Variants in GPR37L1 observed in about 807,000 individuals in gnomAD.
The protein encoded by GPR37L1 is G protein-coupled receptor 37-like 1.
A neutral mutation model predicts 18.0 loss-of-function variants in GPR37L1; 18 were observed. The ratio of observed to expected loss-of-function variants is 1.00; its 90% CI spans 0.69 to 1.49. GPR37L1 has a LOEUF of 1.49. Among genes scored for constraint, GPR37L1 ranks in the 40% most tolerant of loss-of-function variants. The pLI is 0.00. For missense variants in GPR37L1, 558 were observed against 615.1 expected (o/e 0.91, Z 0.98); for synonymous variants, 256 against 273.9 (o/e 0.93, Z 0.65).
At chr1:202,125,722 C>G (rs1347889156) in intron 1 of GPR37L1, among the ~76,000 whole-genome samples, 1 of 152,134 alleles carries the variant, frequency 6.6e-6, no homozygotes, top group African/African-American at 2.4e-5. Context: ...TCACCCACAA[C>G]ACCCTTCTTC....
chr1:202,128,594 AC>A lies in GPR37L1; in HGVS notation c.*43del. On this transcript the variant is annotated 3_prime_UTR_variant, in exon 2 of 2. Coordinates refer to ENST00000367282, the MANE Select transcript of GPR37L1 (RefSeq NM_004767.5). ...GGTGGGGAGGGAGGGAGAGGCCGCC[AC>A]CCCCGCCGGTGTCTGCTGTTCTTTC... The A allele has an allele frequency of 3.4e-6, 4 of 1,178,848 alleles. No homozygotes were observed. Among genetic ancestry groups the A allele is most frequent in the East Asian group, 2.5e-5 (1 of 39,416 alleles). The allele number at this position is 1,178,848 out of a possible 1,614,324, so 73.0% of individuals were successfully genotyped here. A position where few individuals can be genotyped will look rare whatever the true frequency, so the allele number is the denominator to read the frequency against.
chr1:202,123,026 G>C lies in GPR37L1; in HGVS notation c.63G>C (p.Arg21Ser), dbSNP rs377674188. The part of the protein sequence containing the change: ...LAVILAVGLS[R>S]VSGGAPLHLG... ...TGATTTTGGCTGTGGGGCTAAGCAG[G>C]GTCTCTGGGGGTGCCCCCCTGCACC... is the stretch of plus-strand genomic sequence containing the variant. The change falls in exon 1 of 2, where the codon AGG (arginine) becomes AGC (serine). Residue 21 changes from arginine (R) to serine (S), a missense_variant. Coordinates refer to ENST00000367282, the MANE Select transcript of GPR37L1 (RefSeq NM_004767.5). 128 of 1,613,430 alleles carry C rather than the reference G, an allele frequency of 7.9e-5. No homozygotes were observed. Among genetic ancestry groups the C allele is most frequent in the Admixed American group, 1.3e-4 (8 of 60,016 alleles).
chr1:202,124,328 ATTTC>A (rs1449199777), intron 1 of GPR37L1, among the ~76,000 whole-genome samples: 2 of 152,126 alleles, frequency 1.3e-5, no homozygotes, highest in South Asian at 2.1e-4. Flanking sequence ...TACCTCTCCA[ATTTC>A]TTTATCTCCC....
chr1:202,127,923 G>C lies in GPR37L1; in HGVS notation c.813G>C (p.Gln271His). 6.2e-7 allele frequency: 1 copy of C among 1,613,792 alleles called. No homozygotes were observed. Among genetic ancestry groups the C allele is most frequent in the Non-Finnish European group, 8.5e-7 (1 of 1,179,968 alleles). Reference protein sequence around the residue: ...TLAVPELLLWQLAQEPAPTMG... With the variant: ...TLAVPELLLWHLAQEPAPTMG... Reference sequence around the variant, plus strand: ...CTGTGCCTGAGCTCCTGCTGTGGCAGCTGGCACAGGAGCCTGCCCCCACCA... The same window carrying C: ...CTGTGCCTGAGCTCCTGCTGTGGCACCTGGCACAGGAGCCTGCCCCCACCA... Residue 271 changes from glutamine (Q) to histidine (H), a missense_variant, in exon 2 of 2, where the codon CAG becomes CAC. Transcript: ENST00000367282.
Position 202,129,930 on chromosome 1 carries a change from A to G in GPR37L1, c.*1374A>G, listed in dbSNP as rs16849691. 11,559 of 152,352 alleles carry G rather than the reference A, an allele frequency of 0.076. 578 individuals carry two copies. The highest frequency in any genetic ancestry group is 0.13 in the African/African-American group (5,191 of 41,424). The allele number at this position is 152,352 out of a possible 1,614,324, so 9.4% of individuals were successfully genotyped here. A position where few individuals can be genotyped will look rare whatever the true frequency, so the allele number is the denominator to read the frequency against. ...GTCACTCTGAGAGCTGCTCTTGTTC[A>G]GTTTCTTAGAATGGACTGTTTTGCC... On this transcript the variant is annotated 3_prime_UTR_variant, in exon 2 of 2. Transcript: ENST00000367282.
intron 1 of GPR37L1, among the ~76,000 whole-genome samples, chr1:202,125,465 G>A (rs4950769): frequency 0.054 from 8,258 of 152,266 alleles, 687 homozygotes; most frequent in East Asian, 0.34. Flanking sequence ...ATGGTATAGA[G>A]GAGAAGGGGA....
intron 1 of GPR37L1, among the ~76,000 whole-genome samples, chr1:202,125,079 C>A (rs760644014): frequency 7.0e-6 from 1 of 142,748 alleles, no homozygotes; most frequent in African/African-American, 2.6e-5. Flanking sequence ...GCAGGAGAAT[C>A]GCTTGAACTT....
Position 202,127,946 on chromosome 1 carries a change from C to T in GPR37L1, c.836C>T (p.Thr279Ile), listed in dbSNP as rs755206179. The stretch of plus-strand genomic sequence containing the variant: ...CAGCTGGCACAGGAGCCTGCCCCCA[C>T]CATGGGCACCCTGGACTCATGCATC... ...LWQLAQEPAP[T>I]MGTLDSCIMK... Residue 279 changes from threonine to isoleucine, a missense_variant, in exon 2 of 2, where the codon ACC becomes ATC. Thr to Ile is a moderately conservative substitution (Grantham distance 89). Coordinates refer to ENST00000367282, the MANE Select transcript of GPR37L1 (RefSeq NM_004767.5). The T allele has an allele frequency of 6.8e-6, 11 of 1,613,774 alleles. No homozygotes were observed. In the South Asian group the frequency reaches 1.2e-4, roughly 18 times the overall value.
intron 1 of GPR37L1, among the ~76,000 whole-genome samples, chr1:202,125,985 G>T (rs1419631938): frequency 2.0e-5 from 3 of 152,184 alleles, no homozygotes; most frequent in Non-Finnish European, 2.9e-5. Context: ...GTCTCCCAAA[G>T]TACTGGGATT....
chr1:202,128,682 A>G lies in GPR37L1; in HGVS notation c.*126A>G. 1.5e-6 allele frequency: 1 copy of G among 646,782 alleles called. No homozygotes were observed. The allele number at this position is 646,782 out of a possible 1,614,324, so 40.1% of individuals were successfully genotyped here. On this transcript the variant is annotated 3_prime_UTR_variant, in exon 2 of 2. Transcript: ENST00000367282. ...AGGGATGGACTTGGTTCCTCTTGTC[A>G]AGGTTTGGGAATGTCAAAGCCCCCT...
chr1:202,126,965 T>C (rs1452296308), intron 1 of GPR37L1, among the ~76,000 whole-genome samples: 1 of 152,150 alleles, frequency 6.6e-6, no homozygotes, highest in Non-Finnish European at 1.5e-5. Flanking sequence ...AGAACTTCTA[T>C]GTCTTTATCT....
intron 1 of GPR37L1, among the ~76,000 whole-genome samples, chr1:202,127,307 T>TTCTTTCCTTCCTTCC (rs72119974): frequency 7.2e-6 from 1 of 138,866 alleles, no homozygotes; most frequent in Non-Finnish European, 1.6e-5. Flanking sequence ...TCCTTCCTTC[T>TTCTTTCCTTCCTTCC]TTCCTTCCTT....
In GPR37L1 at chr1:202,133,294, C is replaced by G. The variant is rs1459384384; in HGVS notation, c.*4738C>G. ...TGCTCCCCGGGCGGGCATGTGCTCG[C>G]GCTCCGTGGCTCTGTTGGTGCCCAG... On this transcript the variant is annotated 3_prime_UTR_variant, in exon 2 of 2. Transcript: ENST00000367282. 2.6e-5 allele frequency: 4 copies of G among 152,276 alleles called. No individual in the cohort carries two copies. Among genetic ancestry groups the G allele is most frequent in the Non-Finnish European group, 4.4e-5 (3 of 68,072 alleles). 9.4% of individuals were successfully genotyped at this position (152,276 alleles called of 1,614,324 possible).
chr1:202,126,724 C>T (rs12737525), intron 1 of GPR37L1, among the ~76,000 whole-genome samples: 91,658 of 151,940 alleles, frequency 0.6, 32,055 homozygotes, highest in Non-Finnish European at 0.79. Flanking sequence ...TGGTTTTCCA[C>T]GCGCTTGATG....
chr1:202,133,383 T>G lies in GPR37L1; in HGVS notation c.*4827T>G, dbSNP rs778986725. ...GCAACCCATGCCAACTGCGGAAAAG[T>G]AACCAGCACCATACACCCCCCCCAA... On this transcript the variant is annotated 3_prime_UTR_variant, in exon 2 of 2. Coordinates refer to ENST00000367282, the MANE Select transcript of GPR37L1 (RefSeq NM_004767.5). The G allele has an allele frequency of 1.3e-5, 2 of 152,164 alleles. No individual in the cohort carries two copies. The highest frequency in any genetic ancestry group is 2.9e-5 in the Non-Finnish European group (2 of 68,040). 9.4% of individuals were successfully genotyped at this position (152,164 alleles called of 1,614,324 possible).
chr1:202,126,405 GAAAA>G, intron 1 of GPR37L1, among the ~76,000 whole-genome samples: 1 of 144,636 alleles, frequency 6.9e-6, no homozygotes, highest in South Asian at 2.2e-4. Flanking sequence ...GAGACTCTCG[GAAAA>G]AAAAAAAAGG....
intron 1 of GPR37L1, among the ~76,000 whole-genome samples, chr1:202,125,766 G>C (rs550269599): frequency 6.6e-6 from 1 of 152,318 alleles, no homozygotes; most frequent in South Asian, 2.1e-4. Flanking sequence ...CTGTCACCCA[G>C]AGTGGAATGC....
chr1:202,123,428 G>A lies in GPR37L1; in HGVS notation c.465G>A (p.Val155=), dbSNP rs115247332. Residue 155 remains valine, a synonymous_variant, in exon 1 of 2, where the codon GTG becomes GTA. Coordinates refer to ENST00000367282, the MANE Select transcript of GPR37L1 (RefSeq NM_004767.5). Reference sequence around the variant, plus strand: ...GCAACCTGTCGGTCATGTGCATCGTGTGGCACAGCTACTACCTGAAGAGTG... The same window carrying A: ...GCAACCTGTCGGTCATGTGCATCGTATGGCACAGCTACTACCTGAAGAGTG... The part of the protein sequence containing the change: ...IVGNLSVMCI[V]WHSYYLKSAW... The A allele has an allele frequency of 5.6e-6, 9 of 1,614,162 alleles. No individual in the cohort carries two copies. The East Asian group carries it at 2.0e-4, about 36-fold the overall frequency.
In GPR37L1 at chr1:202,123,254, C is replaced by T; in HGVS notation, c.291C>T (p.Asp97=). ...CCGGCAAGGATGGGGGCACCCCAGA[C>T]AGTGGGCAGGAACTGAGGGGCAATC... is the stretch of plus-strand genomic sequence containing the variant. ...PNPGKDGGTP[D]SGQELRGNLT... is the part of the protein sequence containing the mutation. The change falls in exon 1 of 2, where the codon GAC becomes GAT. Residue 97 remains aspartate, a synonymous_variant. Transcript: ENST00000367282. The T allele has an allele frequency of 6.2e-7, 1 of 1,613,990 alleles. No homozygotes were observed. The highest frequency in any genetic ancestry group is 1.6e-4 in the Middle Eastern group (1 of 6,062).
Sources: gnomAD v4.1 joint callset for allele counts (sites outside exome capture counted in the v4.1 genomes callset) on GRCh38, gnomAD v4.1.1 for gene constraint, MANE v1.5 for transcripts, NCBI Gene and HGNC (gene_info 2026-07-23, HGNC 2026-07-21) for gene names.